Variants in PKD1 observed in about 807,000 individuals in gnomAD.
PKD1 encodes polycystin-1.
In PKD1, 81 loss-of-function variants were observed where a neutral mutation model predicts 361.7. The ratio of observed to expected loss-of-function variants is 0.22; its 90% CI spans 0.19 to 0.27. PKD1 has a LOEUF of 0.27. Ranked by LOEUF, PKD1 falls within the 10% of genes least tolerant of loss-of-function variation. PKD1 has a pLI of 1.00. For missense variants in PKD1, 6,399 were observed against 6,118.3 expected (o/e 1.05, Z -1.53); for synonymous variants, 3,615 against 2,818.3 (o/e 1.28, Z -8.95).
rs757450183 is a variant in PKD1 at position 2,106,527 on chromosome 16, A to T, written c.7360T>A (p.Ser2454Thr). 6.3e-7 allele frequency: 1 copy of T among 1,596,192 alleles called. No individual in the cohort carries two copies. The highest frequency in any genetic ancestry group is 8.5e-7 in the Non-Finnish European group (1 of 1,179,056). Residue 2454 changes from serine to threonine, a missense_variant, in exon 18 of 46, where the codon TCT becomes ACT. Coordinates refer to ENST00000262304, the MANE Select transcript of PKD1 (RefSeq NM_001009944.3). The surrounding 1 kb of genome is among the most constrained non-coding windows in gnomAD (Gnocchi z 6.5). ...GAGGCGCAGCCCTCCTCCTCGCCAG[A>T]GCGGCCCAGCACCGTGAGCGTGAAG... ...YTFTLTVLGR[S>T]GEEEGCASIR...
In PKD1 at chr16:2,105,383, G is replaced by A; in HGVS notation, c.7955C>T (p.Ser2652Phe). 6.3e-7 allele frequency: 1 copy of A among 1,586,600 alleles called. No homozygotes were observed. Among genetic ancestry groups the A allele is most frequent in the Non-Finnish European group, 8.5e-7 (1 of 1,172,380 alleles). The change falls in exon 21 of 46, where the codon TCC (serine) becomes TTC (phenylalanine). Residue 2652 changes from serine to phenylalanine, a missense_variant. Ser to Phe is a radical substitution (Grantham distance 155). Coordinates refer to ENST00000262304, the MANE Select transcript of PKD1 (RefSeq NM_001009944.3). ...IRKNITETLVSLRVHTVDDIQ... is the reference protein window; with the variant it reads ...IRKNITETLVFLRVHTVDDIQ... ...GTCATCCACAGTGTGGACCCTCAGG[G>A]ACACCAGAGTCTCCGTGATGTTCTT...
rs1333651056 is a variant in PKD1, at chr16:2,106,351, C to T, written c.7489+47G>A. ...ATCACGGGAGGGCTCCGTGACGTCA[C>T]AGAGTCGGGGGATCCCGCTGCTCCC... On this transcript the variant is annotated intron_variant, in intron 18 of 45. Transcript: ENST00000262304. This position sits in a 1 kb window ranked among gnomAD's most constrained non-coding sequence, Gnocchi z 6.5. The T allele has an allele frequency of 3.7e-6, 6 of 1,603,438 alleles. No individual in the cohort carries two copies. The highest frequency in any genetic ancestry group is 5.1e-6 in the Non-Finnish European group (6 of 1,175,890).
Position 2,106,005 on chromosome 16 carries a change from G to T in PKD1, c.7723C>A (p.Pro2575Thr). ...CCCGTTGCGCTGCCGTTGGGCTCTG[G>T]GAGGGTGATGGCCAAAGACCTACGA... ...ALNRSLAITL[P>T]EPNGSATGLT... Residue 2575 changes from proline to threonine, a missense_variant, in exon 20 of 46, where the codon CCA (proline) becomes ACA (threonine). Coordinates refer to ENST00000262304, the MANE Select transcript of PKD1 (RefSeq NM_001009944.3). This position sits in a 1 kb window ranked among gnomAD's most constrained non-coding sequence, Gnocchi z 6.5. The T allele has an allele frequency of 6.2e-7, 1 of 1,605,408 alleles. No homozygotes were observed. The highest frequency in any genetic ancestry group is 2.2e-5 in the East Asian group (1 of 44,880).
intron 26 of PKD1, 58 bp downstream of exon 26, chr16:2,102,003 G>C (rs1275489966): frequency 9.0e-7 from 1 of 1,110,358 alleles, no homozygotes; most frequent in Non-Finnish European, 1.3e-6. Context: ...CCCAGAGGGT[G>C]CAACCAGCAC....
At chr16:2,095,311 G>A (rs934467791) in intron 34 of PKD1, 3 of 152,198 alleles carry the variant, frequency 2.0e-5, no homozygotes, top group African/African-American at 7.2e-5. Flanking sequence ...CTACTTGGGA[G>A]GCTGAGGCAG....
chr16:2,097,827 G>A (rs1421323360), intron 31 of PKD1, 41 bp downstream of exon 31: 3 of 1,610,728 alleles, frequency 1.9e-6, no homozygotes, highest in Non-Finnish European at 2.5e-6. Context: ...CAAGGCGGCA[G>A]GACCCCCAGC....
chr16:2,119,385 A>T lies in PKD1; in HGVS notation c.216-7T>A. 6.8e-7 allele frequency: 1 copy of T among 1,474,744 alleles called. No individual in the cohort carries two copies. Among genetic ancestry groups the T allele is most frequent in the Non-Finnish European group, 9.2e-7 (1 of 1,092,854 alleles). 91.4% of individuals were successfully genotyped at this position (1,474,744 alleles called of 1,614,324 possible). A position where few individuals can be genotyped will look rare whatever the true frequency, so the allele number is the denominator to read the frequency against. On this transcript the variant is annotated splice_polypyrimidine_tract_variant and splice_region_variant and intron_variant, in intron 1 of 45. Coordinates refer to ENST00000262304, the MANE Select transcript of PKD1 (RefSeq NM_001009944.3). ...CAGGTTGTGGGAGACGTCTCTGAGG[A>T]GTGAGTGGCCGTGGGTCAGGGCCAG...
chr16:2,105,908 T>C lies in PKD1; in HGVS notation c.7820A>G (p.His2607Arg). The change falls in exon 20 of 46, where the codon CAC (histidine) becomes CGC (arginine). Residue 2607 changes from histidine (H) to arginine (R), a missense_variant. Transcript: ENST00000262304. The stretch of plus-strand genomic sequence containing the variant: ...CAGGGCCAACGAGTACTCGATGACG[T>C]GCTGGGGATCGGCCTGCCGCAGCAG... ...PGLLRQADPQ[H>R]VIEYSLALVT... is the part of the protein sequence containing the mutation. 6.3e-7 allele frequency: 1 copy of C among 1,593,296 alleles called. No homozygotes were observed. Among genetic ancestry groups the C allele is most frequent in the Non-Finnish European group, 8.5e-7 (1 of 1,176,688 alleles).
At chr16:2,125,668 C>G (rs989003651) in intron 1 of PKD1, among the ~76,000 whole-genome samples, 7 of 143,456 alleles carry the variant, frequency 4.9e-5, no homozygotes, top group Non-Finnish European at 9.1e-5. Context: ...GACGAGCCCA[C>G]CTGTGGGGTG....
intron 11 of PKD1, chr16:2,113,941 A>G: frequency 5.1e-6 from 3 of 593,238 alleles, no homozygotes; most frequent in Middle Eastern, 4.5e-4. Flanking sequence ...ATTTTGTGAA[A>G]TGAGACAGTG....
At position 2,093,217 on chromosome 16, in the gene PKD1, G is replaced by A. The variant is rs79521529; in HGVS notation, c.11017-124C>T. Reference sequence around the variant, plus strand: ...GCAGGAAGGTGAGCTGGCAGGGGGCGCCCCAAGACTCTACCTGGCCAGGGT... The same window carrying A: ...GCAGGAAGGTGAGCTGGCAGGGGGCACCCCAAGACTCTACCTGGCCAGGGT... On this transcript the variant is annotated intron_variant, in intron 37 of 45. Transcript: ENST00000262304. 1,395 of 1,164,532 alleles carry A rather than the reference G, an allele frequency of 1.2e-3. 5 individuals are homozygous for A. In the African/African-American group the frequency reaches 0.012, roughly 10 times the overall value. The allele number at this position is 1,164,532 out of a possible 1,614,324, so 72.1% of individuals were successfully genotyped here. A position where few individuals can be genotyped will look rare whatever the true frequency, so the allele number is the denominator to read the frequency against.
intron 34 of PKD1, among the ~76,000 whole-genome samples, chr16:2,095,776 C>T (rs1454438678): frequency 9.2e-5 from 14 of 152,344 alleles, no homozygotes; most frequent in Admixed American, 5.2e-4. Flanking sequence ...GGGCCACGCG[C>T]TCTGTGTGGA....
chr16:2,093,453 G>C, intron 37 of PKD1, 91 bp downstream of exon 37: 1 of 1,246,496 alleles, frequency 8.0e-7, no homozygotes, highest in Non-Finnish European at 1.1e-6. Flanking sequence ...CTGAGGTGAG[G>C]AAAGGGGGAC....
Position 2,103,717 on chromosome 16 carries a change from C to T in PKD1, c.8340G>A (p.Glu2780=). The T allele has an allele frequency of 2.5e-6, 4 of 1,610,036 alleles. No homozygotes were observed. The highest frequency in any genetic ancestry group is 3.4e-6 in the Non-Finnish European group (4 of 1,179,562). The change falls in exon 23 of 46, where the codon GAG becomes GAA. Residue 2780 remains glutamate (E), a synonymous_variant. Coordinates refer to ENST00000262304, the MANE Select transcript of PKD1 (RefSeq NM_001009944.3). ...CCGAGCGCTTGCCCTGGGCCACGATCTCCTCGCCCGCCAGCGTCAGGGGCT... is the reference window on the plus strand; with the variant it reads ...CCGAGCGCTTGCCCTGGGCCACGATTTCCTCGCCCGCCAGCGTCAGGGGCT... ...NEEPLTLAGE[E]IVAQGKRSDP...
intron 1 of PKD1, among the ~76,000 whole-genome samples, chr16:2,124,111 C>G (rs922743324): frequency 6.6e-6 from 1 of 152,200 alleles, no homozygotes; most frequent in Admixed American, 6.5e-5. Flanking sequence ...CTTCCCAGCA[C>G]CCTTGCCAAT....
rs897787085 is a variant in PKD1, at chr16:2,089,296, CAG to C, written c.*429_*430del. 1.3e-5 allele frequency: 3 copies of C among 234,592 alleles called. No homozygotes were observed. The highest frequency in any genetic ancestry group is 6.8e-5 in the African/African-American group (3 of 44,110). 14.5% of individuals were successfully genotyped at this position (234,592 alleles called of 1,614,324 possible). A position where few individuals can be genotyped will look rare whatever the true frequency, so the allele number is the denominator to read the frequency against. On this transcript the variant is annotated 3_prime_UTR_variant, in exon 46 of 46. Coordinates refer to ENST00000262304, the MANE Select transcript of PKD1 (RefSeq NM_001009944.3). ...ATATAAATTACTGACACGAGACACA[CAG>C]TGAGACGGTGCAGGGAGTACGGTAG...
Position 2,103,498 on chromosome 16 carries a change from G to T in PKD1, c.8559C>A (p.Phe2853Leu). 1.2e-6 allele frequency: 2 copies of T among 1,603,976 alleles called. No individual in the cohort carries two copies. Among genetic ancestry groups the T allele is most frequent in the Non-Finnish European group, 1.7e-6 (2 of 1,179,706 alleles). ...TVSTKVASMA[F>L]QTQAGAQIPI... ...GGATCTGGGCGCCGGCCTGTGTCTG[G>T]AATGCCATCGAGGCCACCTTGGTGG... The change falls in exon 23 of 46, where the codon TTC (phenylalanine) becomes TTA (leucine). Residue 2853 changes from phenylalanine (F) to leucine (L), a missense_variant. Transcript: ENST00000262304.
rs1175050885 is a variant in PKD1, at chr16:2,107,904, C to T, written c.7044G>A (p.Lys2348=). 56 of 1,544,956 alleles carry T rather than the reference C, an allele frequency of 3.6e-5. No homozygotes were observed. The highest frequency in any genetic ancestry group is 4.6e-5 in the Non-Finnish European group (53 of 1,146,640). The change falls in exon 16 of 46, where the codon AAG becomes AAA. Residue 2348 remains lysine (K), a synonymous_variant. Coordinates refer to ENST00000262304, the MANE Select transcript of PKD1 (RefSeq NM_001009944.3). ...FSLTVWKAGR[K]EEATNQTVLI... is the part of the protein sequence containing the mutation. ...CCACCGTCTGGTTGGTGGCCTCCTC[C>T]TTGCGGCCGGCCTTCCACACGGTCA...
At position 2,094,363 on chromosome 16, in the gene PKD1, G is replaced by A. The variant is rs73498128; in HGVS notation, c.10500-153C>T. Reference sequence around the variant, plus strand: ...GAAGACCCTACCCCAAACGAGAGTGGGAGTGGTGCTGGGAGCCAGGGAACC... The same window carrying A: ...GAAGACCCTACCCCAAACGAGAGTGAGAGTGGTGCTGGGAGCCAGGGAACC... On this transcript the variant is annotated intron_variant, in intron 34 of 45. Transcript: ENST00000262304. Among the ~76,000 whole-genome samples the A allele has an allele frequency of 2.2e-3, 338 of 152,318 alleles. 1 individual carries two copies. The highest frequency in any genetic ancestry group is 7.9e-3 in the African/African-American group (329 of 41,562).
Sources: gnomAD v4.1 joint callset for allele counts (sites outside exome capture counted in the v4.1 genomes callset) on GRCh38, gnomAD v4.1.1 for gene constraint, Gnocchi (gnomAD v3.1) non-coding constraint, MANE v1.5 for transcripts, NCBI Gene and HGNC (gene_info 2026-07-23, HGNC 2026-07-21) for gene names.